BICRA: variants seen among roughly 807,000 people sequenced by gnomAD.
The protein encoded by BICRA is BRD4 interacting chromatin remodeling complex associated protein, also known as BRD4-interacting chromatin-remodeling complex-associated protein.
Under a neutral mutation model 96.9 loss-of-function variants are expected in BICRA, and 31 were observed. The observed-to-expected ratio is 0.32, with a 90% CI of 0.24 to 0.43. The LOEUF (loss-of-function observed/expected upper bound fraction) is 0.43, where lower values mean the gene tolerates loss of function less well. BICRA is among the 20% of genes least tolerant of loss of function. BICRA has a pLI of 1.00. For synonymous variants in BICRA, 1,350 were observed against 1,071.8 expected, an observed-to-expected ratio of 1.26 and a Z score of -5.07; for missense variants, 2,283 against 2,190.3, an observed-to-expected ratio of 1.04 and a Z score of -0.84.
At chr19:47,618,573 A>G (rs1972017084) in intron 1 of BICRA, among the ~76,000 whole-genome samples, 1 of 152,158 alleles carries the variant, frequency 6.6e-6, no homozygotes, top group African/African-American at 2.4e-5. Flanking sequence ...TTGACCCCCC[A>G]GCCCGGCCCC....
Position 47,694,270 on chromosome 19 carries a change from T to G in BICRA, c.2439T>G (p.Pro813=). Residue 813 remains proline, a synonymous_variant, in exon 8 of 15, where the codon CCT becomes CCG. Coordinates refer to ENST00000594866, the MANE Select transcript of BICRA (RefSeq NM_001394372.1). ...PPSRPQSVSR[P]PSEPPLHPCP... ...CCCGGCCACAGAGTGTGTCCCGCCC[T>G]CCCTCAGAGCCACCCTTGCACCCTT... The G allele has an allele frequency of 2.0e-6, 1 of 487,996 alleles. No individual in the cohort carries two copies. Among genetic ancestry groups the G allele is most frequent in the South Asian group, 2.2e-5 (1 of 45,996 alleles). 30.2% of individuals were successfully genotyped at this position (487,996 alleles called of 1,614,324 possible). A position where few individuals can be genotyped will look rare whatever the true frequency, so the allele number is the denominator to read the frequency against.
chr19:47,697,219 A>T (rs974810783), intron 11 of BICRA, among the ~76,000 whole-genome samples: 1 of 151,834 alleles, frequency 6.6e-6, no homozygotes, highest in East Asian at 1.9e-4. Context: ...GTTGGCCTCA[A>T]GTGATCCACC....
At chr19:47,647,154 TA>T (rs1163301070) in intron 1 of BICRA, among the ~76,000 whole-genome samples, 1 of 152,216 alleles carries the variant, frequency 6.6e-6, no homozygotes, top group Non-Finnish European at 1.5e-5. Flanking sequence ...TACTCCATTG[TA>T]TGGATAGGCC....
intron 1 of BICRA, among the ~76,000 whole-genome samples, chr19:47,654,505 G>A (rs1420757882): frequency 3.3e-5 from 5 of 151,708 alleles, no homozygotes; most frequent in Admixed American, 1.3e-4. Context: ...TTTTTGAGAC[G>A]GAGTCTCGTT....
At chr19:47,634,795 C>T (rs1471717521) in intron 1 of BICRA, among the ~76,000 whole-genome samples, 1 of 141,262 alleles carries the variant, frequency 7.1e-6, no homozygotes, top group African/African-American at 2.7e-5. Context: ...CAGAGTCTCG[C>T]TCTGTCACCC....
At chr19:47,611,368 A>G (rs1971904398) in intron 1 of BICRA, among the ~76,000 whole-genome samples, 1 of 152,096 alleles carries the variant, frequency 6.6e-6, no homozygotes, top group Non-Finnish European at 1.5e-5. Context: ...GGAATGGAGA[A>G]TTGTCTGCAG....
intron 1 of BICRA, among the ~76,000 whole-genome samples, chr19:47,634,855 C>G (rs773657784): frequency 6.6e-6 from 1 of 150,402 alleles, no homozygotes; most frequent in African/African-American, 2.5e-5. Flanking sequence ...CTCTGCTTCC[C>G]GGGTTTACGC....
intron 1 of BICRA, among the ~76,000 whole-genome samples, chr19:47,667,219 CATTCACACA>C (rs1393958458): frequency 1.3e-5 from 2 of 152,100 alleles, no homozygotes; most frequent in African/African-American, 4.8e-5. Flanking sequence ...GGGGTTTCAC[CATTCACACA>C]ATGGTCTCGA....
At position 47,702,097 on chromosome 19, in the gene BICRA, C is replaced by T. The variant is rs1277744719; in HGVS notation, c.4365C>T (p.Ala1455=). The change falls in exon 15 of 15, where the codon GCC becomes GCT. Residue 1455 remains alanine, a synonymous_variant. Transcript: ENST00000594866. ...KGPPPEPAAS[A]AQGTGDPDWE... is the part of the protein sequence containing the mutation. Reference sequence around the variant, plus strand: ...CCCCGCCAGAGCCCGCAGCCAGCGCCGCCCAAGGCACCGGGGACCCCGACT... The same window carrying T: ...CCCCGCCAGAGCCCGCAGCCAGCGCTGCCCAAGGCACCGGGGACCCCGACT... 4 of 1,517,996 alleles carry T rather than the reference C, an allele frequency of 2.6e-6. No homozygotes were observed. The highest frequency in any genetic ancestry group is 3.5e-6 in the Non-Finnish European group (4 of 1,141,016). The allele number at this position is 1,517,996 out of a possible 1,614,324, so 94.0% of individuals were successfully genotyped here.
Position 47,701,039 on chromosome 19 carries a change from A to G in BICRA, c.3596-289A>G. On this transcript the variant is annotated intron_variant, in intron 14 of 14. Transcript: ENST00000594866. This position sits in a 1 kb window ranked among gnomAD's most constrained non-coding sequence, Gnocchi z 5.4. ...GCGATCCCCCTCCCTTGGCCTCCCA[A>G]AGTGCTGGGATTACAGGCCTGAGCC... 1 of 444,478 alleles carries G rather than the reference A, an allele frequency of 2.2e-6. No individual in the cohort carries two copies. 27.5% of individuals were successfully genotyped at this position (444,478 alleles called of 1,614,324 possible). A position where few individuals can be genotyped will look rare whatever the true frequency, so the allele number is the denominator to read the frequency against.
chr19:47,661,400 G>C (rs1568561522), intron 1 of BICRA, among the ~76,000 whole-genome samples: 1 of 152,034 alleles, frequency 6.6e-6, no homozygotes, highest in Non-Finnish European at 1.5e-5. Context: ...TGGACTCGTA[G>C]TTGGGGCAGG....
intron 1 of BICRA, among the ~76,000 whole-genome samples, chr19:47,627,708 A>T (rs1972160970): frequency 6.6e-6 from 1 of 152,202 alleles, no homozygotes; most frequent in Admixed American, 6.5e-5. Context: ...ATTGCAGATT[A>T]GGGGGCCACA....
intron 1 of BICRA, among the ~76,000 whole-genome samples, chr19:47,613,803 A>G (rs1971945554): frequency 6.6e-6 from 1 of 151,958 alleles, no homozygotes; most frequent in Non-Finnish European, 1.5e-5. Context: ...GTTTTGTCCC[A>G]GTTGACTGAA....
rs117878242 is a variant in BICRA at position 47,691,233 on chromosome 19, G to T, written c.2284-2882G>T. Among the ~76,000 whole-genome samples the T allele has an allele frequency of 3.3e-4, 50 of 152,314 alleles. No homozygotes were observed. In the East Asian group the frequency reaches 7.1e-3, roughly 22 times the overall value. On this transcript the variant is annotated intron_variant, in intron 7 of 14. Transcript: ENST00000594866. The stretch of plus-strand genomic sequence containing the variant: ...CAAAGGGCAGCACATGACACACAGC[G>T]GTTGGCTTCCCGCAAAGTGAGTGAC...
intron 1 of BICRA, among the ~76,000 whole-genome samples, chr19:47,668,719 T>C (rs1972820006): frequency 6.6e-6 from 1 of 151,690 alleles, no homozygotes; most frequent in African/African-American, 2.4e-5. Flanking sequence ...CTCGAACTCC[T>C]GGCCTCAAGT....
intron 1 of BICRA, among the ~76,000 whole-genome samples, chr19:47,632,727 T>C (rs904696297): frequency 3.3e-5 from 5 of 152,144 alleles, no homozygotes; most frequent in Non-Finnish European, 7.3e-5. Flanking sequence ...AGGATCCGGG[T>C]TGTCATTTGA....
In BICRA at chr19:47,649,130, C is replaced by T. The variant is rs144164400; in HGVS notation, c.-107-21313C>T. ...CATCCCAAAGTGCTGGGATTACAGGCGTGAGCCACTGCACCCGGCCTAATT... is the reference window on the plus strand; with the variant it reads ...CATCCCAAAGTGCTGGGATTACAGGTGTGAGCCACTGCACCCGGCCTAATT... On this transcript the variant is annotated intron_variant, in intron 1 of 14. Transcript: ENST00000594866. Among the ~76,000 whole-genome samples the T allele has an allele frequency of 4.0e-3, 614 of 152,096 alleles. 5 individuals carry two copies. The highest frequency in any genetic ancestry group is 0.014 in the African/African-American group (587 of 41,418).
In BICRA at chr19:47,680,029, C is replaced by A; in HGVS notation, c.859C>A (p.Leu287Met). Residue 287 changes from leucine (L) to methionine (M), a missense_variant, in exon 6 of 15, where the codon CTG (leucine) becomes ATG (methionine). Transcript: ENST00000594866. ...SAGVSPQGAG[L>M]VIQKNLSAAV... ...CGGTGTCTCGCCACAGGGGGCTGGC[C>A]TGGTCATCCAGAAGAACCTCTCGGC... 2 of 1,542,678 alleles carry A rather than the reference C, an allele frequency of 1.3e-6. No homozygotes were observed. The highest frequency in any genetic ancestry group is 1.7e-6 in the Non-Finnish European group (2 of 1,155,372).
At chr19:47,646,216 G>T (rs1165816912) in intron 1 of BICRA, among the ~76,000 whole-genome samples, 7 of 152,228 alleles carry the variant, frequency 4.6e-5, no homozygotes, top group Non-Finnish European at 7.3e-5. Flanking sequence ...CATGCGGAAT[G>T]CTCTGCCCAC....
Sources: allele counts gnomAD v4.1 joint callset (sites outside exome capture counted in the v4.1 genomes callset), GRCh38; gene constraint gnomAD v4.1.1; non-coding constraint Gnocchi (gnomAD v3.1); transcripts MANE v1.5; gene names NCBI Gene and HGNC (gene_info 2026-07-23, HGNC 2026-07-21).